The following GPR158 variants were observed in gnomAD, a reference collection of about 807,000 sequenced individuals.
GPR158 encodes G protein-coupled receptor 158.
Under a neutral mutation model 78.2 loss-of-function variants are expected in GPR158, and 30 were observed. The ratio of observed to expected loss-of-function variants is 0.38; its 90% confidence interval spans 0.29 to 0.52. The LOEUF (loss-of-function observed/expected upper bound fraction) is 0.52. GPR158 is among the 20% of genes least tolerant of loss of function. GPR158 has a pLI of 0.83. For missense variants in GPR158, 1,463 were observed against 1,523.5 expected (o/e 0.96, Z 0.66); for synonymous variants, 581 against 591.1 (o/e 0.98, Z 0.25).
At position 25,599,804 on chromosome 10, in the gene GPR158, TTG is replaced by T. The variant is rs1249559921; in HGVS notation, c.*534_*535del. The T allele has an allele frequency of 1.3e-5, 2 of 153,772 alleles. No homozygotes were observed. Among genetic ancestry groups the T allele is most frequent in the South Asian group, 4.1e-4 (2 of 4,908 alleles). The allele number at this position is 153,772 out of a possible 1,614,324, so 9.5% of individuals were successfully genotyped here. A position where few individuals can be genotyped will look rare whatever the true frequency, so the allele number is the denominator to read the frequency against. On this transcript the variant is annotated 3_prime_UTR_variant, in exon 11 of 11. Transcript: ENST00000376351. The stretch of plus-strand genomic sequence containing the variant: ...TATAAATGTATGTTTCAGTATATCG[TTG>T]TGTCTCATATTCAAGCATTCCAGAT...
chr10:25,507,984 G>T (rs749801689), intron 5 of GPR158, among the ~76,000 whole-genome samples: 1 of 152,034 alleles, frequency 6.6e-6, no homozygotes, highest in Admixed American at 6.5e-5. Flanking sequence ...AATTTTATAA[G>T]GACGGTTTTT....
intron 2 of GPR158, among the ~76,000 whole-genome samples, chr10:25,306,506 A>G (rs1230395343): frequency 1.3e-5 from 2 of 152,242 alleles, no homozygotes; most frequent in Non-Finnish European, 2.9e-5. Context: ...AAGAAAAAGT[A>G]CAGGGACATA....
intron 2 of GPR158, among the ~76,000 whole-genome samples, chr10:25,224,353 A>G (rs1853343422): frequency 6.6e-6 from 1 of 151,942 alleles, no homozygotes. Context: ...AATACCTTTT[A>G]AACATCAGTC....
At chr10:25,479,209 TA>T (rs536337079) in intron 5 of GPR158, among the ~76,000 whole-genome samples, 28 of 152,082 alleles carry the variant, frequency 1.8e-4, no homozygotes, top group Admixed American at 5.2e-4. Flanking sequence ...TTTCTAAAGT[TA>T]AAAAAAATTG....
chr10:25,258,618 G>A (rs1853922390), intron 2 of GPR158, among the ~76,000 whole-genome samples: 1 of 152,038 alleles, frequency 6.6e-6, no homozygotes, highest in Non-Finnish European at 1.5e-5. Flanking sequence ...ATGGTAGGAG[G>A]TAGGAATTCA....
intron 5 of GPR158, among the ~76,000 whole-genome samples, chr10:25,524,316 G>A (rs867294638): frequency 3.3e-5 from 5 of 152,108 alleles, no homozygotes; most frequent in Middle Eastern, 6.3e-3. Context: ...GACACGCAAG[G>A]GGCCCAGAAT....
At chr10:25,463,436 T>TGGAC (rs1168015376) in intron 4 of GPR158, among the ~76,000 whole-genome samples, 4 of 144,824 alleles carry the variant, frequency 2.8e-5, no homozygotes, top group African/African-American at 7.8e-5. Flanking sequence ...GATGGATGGA[T>TGGAC]GGACAGATAT....
chr10:25,388,911 T>C (rs1439431030), intron 2 of GPR158, among the ~76,000 whole-genome samples: 2 of 152,188 alleles, frequency 1.3e-5, no homozygotes, highest in African/African-American at 4.8e-5. Flanking sequence ...TGAGCCCAGG[T>C]GCTGTTGCAA....
intron 2 of GPR158, among the ~76,000 whole-genome samples, chr10:25,304,123 T>C (rs946833847): frequency 1.3e-5 from 2 of 151,788 alleles, no homozygotes; most frequent in African/African-American, 4.9e-5. Flanking sequence ...TGTTTTTTCG[T>C]TTACTTGTTT....
intron 1 of GPR158, among the ~76,000 whole-genome samples, chr10:25,213,713 C>T (rs928033554): frequency 2.0e-5 from 3 of 151,938 alleles, no homozygotes; most frequent in African/African-American, 7.3e-5. Context: ...GTATATAAAG[C>T]CATCTAGGCC....
intron 5 of GPR158, among the ~76,000 whole-genome samples, chr10:25,544,454 T>C (rs1328125961): frequency 6.6e-6 from 1 of 152,174 alleles, no homozygotes; most frequent in Non-Finnish European, 1.5e-5. Context: ...GATAATAAAG[T>C]ATATTTTGGA....
chr10:25,462,635 T>G (rs1203714142), intron 4 of GPR158, among the ~76,000 whole-genome samples: 4 of 152,156 alleles, frequency 2.6e-5, no homozygotes, highest in Admixed American at 6.5e-5. Context: ...TAACAAGAGT[T>G]TGGAAAACAT....
At chr10:25,479,494 A>C (rs1835633493) in intron 5 of GPR158, among the ~76,000 whole-genome samples, 1 of 152,080 alleles carries the variant, frequency 6.6e-6, no homozygotes, top group African/African-American at 2.4e-5. Context: ...TGCTCACTGC[A>C]ACCTGTGCCT....
chr10:25,540,780 C>A (rs984007680), intron 5 of GPR158, among the ~76,000 whole-genome samples: 1 of 146,448 alleles, frequency 6.8e-6, no homozygotes, highest in Non-Finnish European at 1.5e-5. Flanking sequence ...CATCACACAC[C>A]GGGGCCTGTC....
chr10:25,292,435 T>C (rs1434590144), intron 2 of GPR158, among the ~76,000 whole-genome samples: 2 of 152,138 alleles, frequency 1.3e-5, no homozygotes, highest in Non-Finnish European at 2.9e-5. Context: ...TCTTTCCTTT[T>C]TGATGACTTT....
Position 25,598,181 on chromosome 10 carries a change from T to C in GPR158, c.2555T>C (p.Leu852Pro), listed in dbSNP as rs1159260229. 1 of 1,614,170 alleles carries C rather than the reference T, an allele frequency of 6.2e-7. No homozygotes were observed. Among genetic ancestry groups the C allele is most frequent in the Admixed American group, 1.7e-5 (1 of 60,028 alleles). Residue 852 changes from leucine (L) to proline (P), a missense_variant, in exon 11 of 11, where the codon CTG becomes CCG. Transcript: ENST00000376351. The stretch of plus-strand genomic sequence containing the variant: ...ACAGAAAATTCCACACTGGAATCCC[T>C]GTCGGGTAAAAAACTAACACAAAAA... Reference protein sequence around the residue: ...ETTENSTLESLSGKKLTQKLK... With the variant: ...ETTENSTLESPSGKKLTQKLK...
intron 5 of GPR158, among the ~76,000 whole-genome samples, chr10:25,549,722 T>C (rs981722712): frequency 1.3e-5 from 2 of 152,296 alleles, no homozygotes; most frequent in East Asian, 3.9e-4. Context: ...GAGAACTTAA[T>C]GTCTTTGTGT....
At chr10:25,438,688 G>A (rs1253542227) in intron 4 of GPR158, among the ~76,000 whole-genome samples, 6 of 152,188 alleles carry the variant, frequency 3.9e-5, no homozygotes, top group Non-Finnish European at 2.9e-5. Flanking sequence ...TTTAATGAAA[G>A]GAGCGTATTT....
intron 1 of GPR158, among the ~76,000 whole-genome samples, chr10:25,207,709 G>A (rs1356473062): frequency 6.6e-6 from 1 of 152,130 alleles, no homozygotes; most frequent in East Asian, 1.9e-4. Context: ...TGACCAAGGG[G>A]TTGAGGGACT....
Sources: allele counts gnomAD v4.1 joint callset (sites outside exome capture counted in the v4.1 genomes callset), GRCh38; gene constraint gnomAD v4.1.1; transcripts MANE v1.5; gene names NCBI Gene and HGNC (gene_info 2026-07-23, HGNC 2026-07-21).